Variants in HIVEP1 observed in about 807,000 individuals in gnomAD.
The protein encoded by HIVEP1 is HIVEP zinc finger 1.
In HIVEP1, 36 loss-of-function variants were observed where a neutral mutation model predicts 180.0. That is an observed-to-expected ratio of 0.20 (90% CI 0.15 to 0.26). The LOEUF is 0.26. Among genes scored for constraint, HIVEP1 ranks in the 10% least tolerant of loss-of-function variants. The pLI, the probability that HIVEP1 is intolerant of heterozygous loss-of-function variation, is 1.00. For synonymous variants in HIVEP1, 1,239 were observed against 1,239.0 expected, an observed-to-expected ratio of 1.00 and a Z score of 0.00; for missense variants, 3,143 against 3,268.7, an observed-to-expected ratio of 0.96 and a Z score of 0.94.
At chr6:12,141,923 A>G (rs1421285067) in intron 7 of HIVEP1, among the ~76,000 whole-genome samples, 1 of 152,032 alleles carries the variant, frequency 6.6e-6, no homozygotes, top group Non-Finnish European at 1.5e-5. Flanking sequence ...AGACTCCCAT[A>G]CAATAATAAT....
chr6:12,029,316 G>A (rs894972773), intron 2 of HIVEP1, among the ~76,000 whole-genome samples: 1 of 152,104 alleles, frequency 6.6e-6, no homozygotes, highest in African/African-American at 2.4e-5. Flanking sequence ...TTGTTTCTTT[G>A]AACCTCTGCC....
intron 2 of HIVEP1, among the ~76,000 whole-genome samples, chr6:12,080,865 C>G (rs1249818344): frequency 6.6e-6 from 1 of 152,122 alleles, no homozygotes. Context: ...AGACATTGTT[C>G]ATGTCCATTT....
intron 5 of HIVEP1, among the ~76,000 whole-genome samples, chr6:12,130,104 AC>A (rs2113562783): frequency 6.6e-6 from 1 of 152,336 alleles, no homozygotes; most frequent in East Asian, 1.9e-4. Flanking sequence ...GAAATACTGT[AC>A]AACCTTGAAG....
intron 2 of HIVEP1, among the ~76,000 whole-genome samples, chr6:12,064,742 C>T (rs903018607): frequency 7.9e-5 from 12 of 152,132 alleles, no homozygotes; most frequent in South Asian, 4.1e-4. Flanking sequence ...CCCCTCCCCA[C>T]GCCGTACACA....
chr6:12,065,906 C>T (rs1278475674), intron 2 of HIVEP1, among the ~76,000 whole-genome samples: 2 of 152,092 alleles, frequency 1.3e-5, no homozygotes, highest in South Asian at 2.1e-4. Context: ...GTCCTCAGAA[C>T]AGCACTCAGC....
At chr6:12,195,660 G>GAATACATCTGACTCCA in the HIVEP1 span, among the ~76,000 whole-genome samples, 131,098 of 151,758 alleles carry the variant, frequency 0.86, 57,778 homozygotes, top group East Asian at 0.97. Context: ...CTGGCATACA[G>GAATACATCTGACTCCA]AATTTAACTA....
intron 2 of HIVEP1, among the ~76,000 whole-genome samples, chr6:12,021,339 C>T (rs538148516): frequency 6.6e-6 from 1 of 152,296 alleles, no homozygotes; most frequent in South Asian, 2.1e-4. Context: ...GCATGCACAT[C>T]CGGTATTTCT....
At chr6:12,108,535 C>T (rs1263292787) in intron 3 of HIVEP1, among the ~76,000 whole-genome samples, 3 of 152,248 alleles carry the variant, frequency 2.0e-5, no homozygotes, top group Non-Finnish European at 4.4e-5. Context: ...CCCTGCCCCG[C>T]AGGAAGGCAG....
At chr6:12,024,000 T>TA (rs1297873794) in intron 2 of HIVEP1, among the ~76,000 whole-genome samples, 1 of 152,220 alleles carries the variant, frequency 6.6e-6, no homozygotes, top group Non-Finnish European at 1.5e-5. Context: ...ATGAATAAAT[T>TA]AAGTGCTTTA....
chr6:12,013,147 T>C (rs1479316312), intron 1 of HIVEP1, among the ~76,000 whole-genome samples: 1 of 152,076 alleles, frequency 6.6e-6, no homozygotes, highest in African/African-American at 2.4e-5. Flanking sequence ...CCTCATCTCG[T>C]CCTCCTCCTC....
At chr6:12,181,581 A>C in the HIVEP1 span, among the ~76,000 whole-genome samples, 1 of 151,906 alleles carries the variant, frequency 6.6e-6, no homozygotes, top group East Asian at 2.0e-4. Flanking sequence ...AGGTGTTTTA[A>C]CTTGGCTTAT....
chr6:12,040,900 A>G (rs1038596602), intron 2 of HIVEP1, among the ~76,000 whole-genome samples: 2 of 152,066 alleles, frequency 1.3e-5, no homozygotes, highest in African/African-American at 2.4e-5. Context: ...CGTGCCACAC[A>G]CTTTTAAACA....
At chr6:12,167,814 A>G (rs561925101), downstream of HIVEP1, among the ~76,000 whole-genome samples, 1 of 145,448 alleles carries the variant, frequency 6.9e-6, no homozygotes, top group Non-Finnish European at 1.5e-5. Flanking sequence ...ACATGTATAG[A>G]TGTGCGTATA....
At chr6:12,107,340 A>G (rs958720364) in intron 3 of HIVEP1, among the ~76,000 whole-genome samples, 1 of 152,242 alleles carries the variant, frequency 6.6e-6, no homozygotes, top group African/African-American at 2.4e-5. Context: ...AAATATTGCC[A>G]AAAATGTGAA....
chr6:12,020,339 A>G, intron 2 of HIVEP1: 1 of 471,172 alleles, frequency 2.1e-6, no homozygotes, highest in Non-Finnish European at 4.4e-6. Flanking sequence ...GGTGTTCAGA[A>G]GAAAGGCTTA....
intron 6 of HIVEP1, among the ~76,000 whole-genome samples, chr6:12,131,362 C>A (rs1368073937): frequency 1.3e-5 from 2 of 151,788 alleles, no homozygotes; most frequent in African/African-American, 4.8e-5. Flanking sequence ...CAGTAAACTT[C>A]TATAATAATT....
intron 3 of HIVEP1, among the ~76,000 whole-genome samples, chr6:12,107,371 CAGTCATAATCTTTTTGCTGGT>C (rs957068585): frequency 6.6e-6 from 1 of 152,102 alleles, no homozygotes; most frequent in Admixed American, 6.5e-5. Flanking sequence ...AGTCTTTATC[CAGTCATAATCTTTTTGCTGGT>C]AGAGGGTCTT....
chr6:12,199,265 C>T, the HIVEP1 span, among the ~76,000 whole-genome samples: 2 of 152,116 alleles, frequency 1.3e-5, no homozygotes, highest in African/African-American at 2.4e-5. Flanking sequence ...AGTCACTACA[C>T]AGGACTGATG....
At chr6:12,014,947 G>A (rs1183936443) in intron 1 of HIVEP1, among the ~76,000 whole-genome samples, 1 of 152,268 alleles carries the variant, frequency 6.6e-6, no homozygotes, top group African/African-American at 2.4e-5. Flanking sequence ...AGAGAGAGAA[G>A]AGCTCTGGAG....
Sources: allele counts gnomAD v4.1 joint callset (sites outside exome capture counted in the v4.1 genomes callset), GRCh38; gene constraint gnomAD v4.1.1; transcripts MANE v1.5; gene names NCBI Gene and HGNC (gene_info 2026-07-23, HGNC 2026-07-21).